The following GABRB3 variants were observed in gnomAD, a reference collection of about 807,000 sequenced individuals.
GABRB3 encodes gamma-aminobutyric acid type A receptor subunit beta3, also known as gamma-aminobutyric acid receptor subunit beta-3.
GABRB3 carries 14 observed loss-of-function variants against 52.1 expected under a neutral mutation model. The observed-to-expected ratio is 0.27, with a 90% CI of 0.18 to 0.42. The LOEUF (loss-of-function observed/expected upper bound fraction) is 0.42. Ranked by LOEUF, GABRB3 falls within the 10% of genes least tolerant of loss-of-function variation. The pLI, the probability that GABRB3 is intolerant of heterozygous loss-of-function variation, is 1.00. For synonymous variants in GABRB3, 260 were observed against 232.3 expected, an observed-to-expected ratio of 1.12 and a Z score of -1.08; for missense variants, 307 against 609.1, an observed-to-expected ratio of 0.50 and a Z score of 5.22.
intron 3 of GABRB3, among the ~76,000 whole-genome samples, chr15:26,660,493 A>G (rs1887508463): frequency 6.6e-6 from 1 of 152,202 alleles, no homozygotes; most frequent in African/African-American, 2.4e-5. Flanking sequence ...TGCCTAATTT[A>G]GAATGAAAAG....
chr15:26,759,647 C>G (rs929358613), intron 3 of GABRB3, among the ~76,000 whole-genome samples: 2 of 152,182 alleles, frequency 1.3e-5, no homozygotes, highest in South Asian at 2.1e-4. Flanking sequence ...CCACACTGGC[C>G]GAGTGCAGCA....
At chr15:26,549,939 C>T (rs1476192379) in intron 8 of GABRB3, 1 of 152,212 alleles carries the variant, frequency 6.6e-6, no homozygotes, top group Non-Finnish European at 1.5e-5. Flanking sequence ...CTGGTGCCAT[C>T]GTATTGGTTT....
At chr15:26,697,054 T>A (rs1366826167) in intron 3 of GABRB3, among the ~76,000 whole-genome samples, 1 of 152,246 alleles carries the variant, frequency 6.6e-6, no homozygotes, top group Non-Finnish European at 1.5e-5. Context: ...CACAGAGTTG[T>A]TAAGAATCCT....
intron 3 of GABRB3, among the ~76,000 whole-genome samples, chr15:26,765,217 G>A (rs1890964958): frequency 6.6e-6 from 1 of 151,614 alleles, no homozygotes; most frequent in Non-Finnish European, 1.5e-5. Flanking sequence ...AACTTTCGGT[G>A]TACAAAGGTA....
chr15:26,730,594 G>C (rs1433870371), intron 3 of GABRB3, among the ~76,000 whole-genome samples: 3 of 152,096 alleles, frequency 2.0e-5, no homozygotes, highest in African/African-American at 4.8e-5. Flanking sequence ...GGCCAGGGTG[G>C]GGCTGGGTCC....
chr15:26,770,440 G>A (rs868064906), intron 3 of GABRB3, among the ~76,000 whole-genome samples: 3 of 152,066 alleles, frequency 2.0e-5, no homozygotes, highest in South Asian at 2.1e-4. Flanking sequence ...TCTCTTACTG[G>A]GTTCAGAGAA....
intron 3 of GABRB3, among the ~76,000 whole-genome samples, chr15:26,771,091 T>C (rs1210090239): frequency 6.6e-6 from 1 of 152,210 alleles, no homozygotes. Context: ...TGAGAACAGC[T>C]TGGCGTGGTC....
chr15:26,644,771 G>T (rs1041473258), intron 3 of GABRB3, among the ~76,000 whole-genome samples: 4 of 152,170 alleles, frequency 2.6e-5, no homozygotes, highest in African/African-American at 4.8e-5. Flanking sequence ...GAACAACAGG[G>T]CCTTCCTGAT....
intron 3 of GABRB3, among the ~76,000 whole-genome samples, chr15:26,714,267 T>TATAACAATGCCC (rs1456845672): frequency 6.6e-6 from 1 of 152,212 alleles, no homozygotes; most frequent in Non-Finnish European, 1.5e-5. Context: ...ACACAGTGCC[T>TATAACAATGCCC]GAACTATAAC....
At position 26,663,416 on chromosome 15, in the gene GABRB3, G is replaced by A. The variant is rs937837289; in HGVS notation, c.241-41882C>T. Among the ~76,000 whole-genome samples the A allele has an allele frequency of 3.9e-5, 6 of 152,264 alleles. No homozygotes were observed. The South Asian group carries it at 6.2e-4, about 16-fold the overall frequency. On this transcript the variant is annotated intron_variant, in intron 3 of 8. Transcript: ENST00000311550. ...CACGAATTTCATGGTTTTGATGCACGCATATTTGGGACTGCTATGTCTAAT... is the reference window on the plus strand; with the variant it reads ...CACGAATTTCATGGTTTTGATGCACACATATTTGGGACTGCTATGTCTAAT...
chr15:26,684,386 G>A (rs1299773361), intron 3 of GABRB3, among the ~76,000 whole-genome samples: 1 of 152,158 alleles, frequency 6.6e-6, no homozygotes, highest in African/African-American at 2.4e-5. Context: ...ACAAATGATG[G>A]GGAGTACGAG....
intron 3 of GABRB3, among the ~76,000 whole-genome samples, chr15:26,627,250 A>G (rs1892734432): frequency 1.3e-5 from 2 of 151,628 alleles, no homozygotes; most frequent in Non-Finnish European, 1.5e-5. Flanking sequence ...CTCATTTTCA[A>G]TGTACCTGGT....
chr15:26,693,031 C>T (rs776611307), intron 3 of GABRB3, among the ~76,000 whole-genome samples: 1 of 152,160 alleles, frequency 6.6e-6, no homozygotes, highest in Non-Finnish European at 1.5e-5. Context: ...CAGAACTGCA[C>T]AGGAAGATCT....
At chr15:26,625,892 TC>T (rs1211009409) in intron 3 of GABRB3, among the ~76,000 whole-genome samples, 9 of 152,118 alleles carry the variant, frequency 5.9e-5, no homozygotes, top group African/African-American at 2.2e-4. Flanking sequence ...TTGCTAACGT[TC>T]CCTCTTTTGC....
At chr15:26,557,925 C>T (rs891745446) in intron 8 of GABRB3, 4 of 152,102 alleles carry the variant, frequency 2.6e-5, no homozygotes, top group East Asian at 3.8e-4. Flanking sequence ...TTTTAAGCCT[C>T]GTACCCATAA....
intron 8 of GABRB3, among the ~76,000 whole-genome samples, chr15:26,557,213 G>C (rs1156537464): frequency 6.6e-6 from 1 of 152,122 alleles, no homozygotes; most frequent in Non-Finnish European, 1.5e-5. Context: ...TTATAAGTAG[G>C]AGCTAAACAC....
intron 4 of GABRB3, chr15:26,615,533 T>A: frequency 1.3e-6 from 1 of 783,970 alleles, no homozygotes; most frequent in Non-Finnish European, 1.6e-6. Flanking sequence ...TACAAGAATG[T>A]GATCACTCTC....
At chr15:26,687,178 T>C (rs1888433537) in intron 3 of GABRB3, among the ~76,000 whole-genome samples, 1 of 152,258 alleles carries the variant, frequency 6.6e-6, no homozygotes, top group African/African-American at 2.4e-5. Flanking sequence ...TCCAGGGAGC[T>C]AGATTGAACA....
intron 3 of GABRB3, among the ~76,000 whole-genome samples, chr15:26,634,377 C>G (rs1267734648): frequency 1.3e-5 from 2 of 152,146 alleles, no homozygotes; most frequent in African/African-American, 2.4e-5. Context: ...AGCAATATAC[C>G]AGCCTCTTTC....
Sources: allele counts gnomAD v4.1 joint callset (sites outside exome capture counted in the v4.1 genomes callset), GRCh38; gene constraint gnomAD v4.1.1; transcripts MANE v1.5; gene names NCBI Gene and HGNC (gene_info 2026-07-23, HGNC 2026-07-21).